Variants in KIAA0825 observed in about 807,000 individuals in gnomAD.
KIAA0825 encodes the protein uncharacterized protein KIAA0825.
KIAA0825 carries 119 observed loss-of-function variants against 147.6 expected under a neutral mutation model. The observed-to-expected ratio is 0.81, with a 90% CI of 0.69 to 0.94. The LOEUF is 0.94. Among genes scored for constraint, KIAA0825 ranks in the 40% least tolerant of loss-of-function variants. KIAA0825 has a pLI of 0.00. For synonymous variants in KIAA0825, 470 were observed against 518.1 expected, an observed-to-expected ratio of 0.91 and a Z score of 1.26; for missense variants, 1,381 against 1,472.7, an observed-to-expected ratio of 0.94 and a Z score of 1.02.
At chr5:94,523,590 A>G (rs1229027136) in intron 4 of KIAA0825, among the ~76,000 whole-genome samples, 2 of 151,620 alleles carry the variant, frequency 1.3e-5, no homozygotes, top group African/African-American at 2.4e-5. Context: ...GAAAGGATAC[A>G]AAACATAATG....
At chr5:94,398,123 G>A (rs1212743990) in intron 16 of KIAA0825, among the ~76,000 whole-genome samples, 2 of 151,838 alleles carry the variant, frequency 1.3e-5, no homozygotes, top group Non-Finnish European at 2.9e-5. Flanking sequence ...TCATTGCTGG[G>A]GCCAACTGAA....
chr5:94,298,173 G>A (rs984658551), intron 20 of KIAA0825, among the ~76,000 whole-genome samples: 48 of 151,844 alleles, frequency 3.2e-4, no homozygotes, highest in Middle Eastern at 6.8e-3. Context: ...ACTTGAACCC[G>A]GGAGATGGAG....
Position 94,333,056 on chromosome 5 carries a change from C to T in KIAA0825, c.3710+51312G>A, listed in dbSNP as rs183498224. Among the ~76,000 whole-genome samples, 30 of 152,240 alleles carry T rather than the reference C, an allele frequency of 2.0e-4. 1 individual carries two copies. The highest frequency in any genetic ancestry group is 7.0e-4 in the African/African-American group (29 of 41,556). ...AAAGCATCTGTTCATATCCTTCACC[C>T]GCTTTTTCATGGGGTTGTTTCTTTT... On this transcript the variant is annotated intron_variant, in intron 20 of 20. Coordinates refer to ENST00000682413, the MANE Select transcript of KIAA0825 (RefSeq NM_001145678.3).
chr5:94,589,457 A>G (rs1256800333), intron 1 of KIAA0825, among the ~76,000 whole-genome samples: 2 of 152,160 alleles, frequency 1.3e-5, no homozygotes, highest in Non-Finnish European at 2.9e-5. Flanking sequence ...AAACAAAGAG[A>G]GTTAGGAATT....
At chr5:94,455,834 A>C (rs1759031005) in intron 12 of KIAA0825, among the ~76,000 whole-genome samples, 1 of 152,124 alleles carries the variant, frequency 6.6e-6, no homozygotes, top group Non-Finnish European at 1.5e-5. Flanking sequence ...CAGGGGCTTG[A>C]TCCAAGTGGG....
At chr5:94,565,384 C>T (rs1363483423) in intron 2 of KIAA0825, among the ~76,000 whole-genome samples, 3 of 150,300 alleles carry the variant, frequency 2.0e-5, no homozygotes, top group Non-Finnish European at 4.4e-5. Flanking sequence ...CTTTTGTTGC[C>T]CAGGCTGGGT....
chr5:94,233,344 G>A (rs184456959), intron 20 of KIAA0825, among the ~76,000 whole-genome samples: 139 of 152,204 alleles, frequency 9.1e-4, no homozygotes, highest in African/African-American at 3.2e-3. Flanking sequence ...CAATGTTTTT[G>A]GTTGATAAAC....
intron 12 of KIAA0825, among the ~76,000 whole-genome samples, chr5:94,457,918 G>C (rs1759322171): frequency 6.6e-6 from 1 of 152,160 alleles, no homozygotes; most frequent in Admixed American, 6.5e-5. Context: ...TAGACTTCTT[G>C]AGTCATCTGT....
At chr5:94,589,618 T>A (rs1327578487) in intron 1 of KIAA0825, among the ~76,000 whole-genome samples, 1 of 152,128 alleles carries the variant, frequency 6.6e-6, no homozygotes, top group African/African-American at 2.4e-5. Flanking sequence ...GTTTTGTACA[T>A]CTCGTTGTAT....
intron 20 of KIAA0825, among the ~76,000 whole-genome samples, chr5:94,186,042 A>C (rs1317276508): frequency 6.6e-6 from 1 of 152,186 alleles, no homozygotes; most frequent in South Asian, 2.1e-4. Context: ...AATACAATGC[A>C]TTTTCTGTTT....
chr5:94,347,776 A>G (rs1252254381), intron 20 of KIAA0825, among the ~76,000 whole-genome samples: 1 of 152,218 alleles, frequency 6.6e-6, no homozygotes, highest in Non-Finnish European at 1.5e-5. Flanking sequence ...CCAGCAATGG[A>G]TCCAAACCAA....
chr5:94,310,983 A>G (rs1779118858), intron 20 of KIAA0825, among the ~76,000 whole-genome samples: 1 of 151,738 alleles, frequency 6.6e-6, no homozygotes, highest in Non-Finnish European at 1.5e-5. Context: ...AAGTATCATG[A>G]AAACTGTAGT....
At chr5:94,524,711 C>A (rs935535375) in intron 3 of KIAA0825, among the ~76,000 whole-genome samples, 1 of 151,544 alleles carries the variant, frequency 6.6e-6, no homozygotes, top group African/African-American at 2.4e-5. Context: ...GGGTTAATAG[C>A]AATTATATTT....
In KIAA0825 at chr5:94,205,268, C is replaced by CATATATATATATATATATAT. The variant is rs5869623; in HGVS notation, c.3711-51164_3711-51145dup. On this transcript the variant is annotated intron_variant, in intron 20 of 20. Transcript: ENST00000682413. ...ACTATGATTTCTGTGACTATTTAATCATATATATATATATATATATATATA... is the reference window on the plus strand; with the variant it reads ...ACTATGATTTCTGTGACTATTTAATCATATATATATATATATATATATATATATATATATATATATATATA... 6.5e-3 allele frequency among the ~76,000 whole-genome samples: 586 copies of CATATATATATATATATATAT among 90,012 alleles called. 3 individuals carry two copies. The highest frequency in any genetic ancestry group is 0.011 in the Middle Eastern group (2 of 174). The allele number at this position is 90,012 out of a possible 152,430, so 59.1% of individuals were successfully genotyped here.
At chr5:94,417,010 G>C in intron 15 of KIAA0825, 191 bp downstream of exon 15, 1 of 497,008 alleles carries the variant, frequency 2.0e-6, no homozygotes, top group Middle Eastern at 2.9e-4. Flanking sequence ...TTGTCCCAAA[G>C]TATATGAAAT....
At chr5:94,312,492 C>G (rs1258368501) in intron 20 of KIAA0825, among the ~76,000 whole-genome samples, 1 of 151,606 alleles carries the variant, frequency 6.6e-6, no homozygotes, top group Non-Finnish European at 1.5e-5. Context: ...CCATTGTTGT[C>G]TATTGTGTCA....
At chr5:94,222,774 G>A (rs146982186) in intron 20 of KIAA0825, among the ~76,000 whole-genome samples, 120 of 152,176 alleles carry the variant, frequency 7.9e-4, no homozygotes, top group African/African-American at 2.9e-3. Context: ...CCATATGCCA[G>A]ATACTCCTCA....
At chr5:94,325,539 C>T (rs1780602703) in intron 20 of KIAA0825, among the ~76,000 whole-genome samples, 1 of 151,820 alleles carries the variant, frequency 6.6e-6, no homozygotes, top group Non-Finnish European at 1.5e-5. Context: ...TGTGCACATA[C>T]ATGTTGATGT....
At chr5:94,183,684 G>A (rs1769872687) in intron 20 of KIAA0825, among the ~76,000 whole-genome samples, 1 of 152,118 alleles carries the variant, frequency 6.6e-6, no homozygotes, top group South Asian at 2.1e-4. Flanking sequence ...GACAGAGTGT[G>A]GGAGCTTCTG....
Sources: gnomAD v4.1 joint callset for allele counts (sites outside exome capture counted in the v4.1 genomes callset) on GRCh38, gnomAD v4.1.1 for gene constraint, MANE v1.5 for transcripts, NCBI Gene and HGNC (gene_info 2026-07-23, HGNC 2026-07-21) for gene names.